Variants in IL34 observed in about 807,000 individuals in gnomAD.
IL34 encodes the protein interleukin-34.
In IL34, 17 loss-of-function variants were observed where a neutral mutation model predicts 25.3. The observed-to-expected ratio is 0.67, with a 90% CI of 0.46 to 1.01. IL34 has a LOEUF of 1.01. Ranked by LOEUF, IL34 falls within the 50% of genes least tolerant of loss-of-function variation. IL34 has a pLI of 0.00. For synonymous variants in IL34, 174 were observed against 140.9 expected (o/e 1.23, Z -1.66); for missense variants, 368 against 312.9 (o/e 1.18, Z -1.33).
At chr16:70,592,257 G>T (rs1455754674) in intron 1 of IL34, among the ~76,000 whole-genome samples, 1 of 152,136 alleles carries the variant, frequency 6.6e-6, no homozygotes, top group East Asian at 1.9e-4. Context: ...CTTGTCACAG[G>T]CAGGAAACCT....
intron 1 of IL34, among the ~76,000 whole-genome samples, chr16:70,638,999 CTTAG>C (rs1312564125): frequency 2.6e-5 from 4 of 152,210 alleles, no homozygotes; most frequent in African/African-American, 4.8e-5. Context: ...ACACCTGGCT[CTTAG>C]TTAGGAAATG....
chr16:70,622,504 T>G (rs1288218442), intron 1 of IL34, among the ~76,000 whole-genome samples: 2 of 151,902 alleles, frequency 1.3e-5, no homozygotes, highest in Admixed American at 1.3e-4. Flanking sequence ...TAGCATAGCC[T>G]GCCTTTGCTG....
At chr16:70,630,246 T>C (rs1243346544) in intron 1 of IL34, among the ~76,000 whole-genome samples, 2 of 152,176 alleles carry the variant, frequency 1.3e-5, no homozygotes, top group Admixed American at 6.5e-5. Flanking sequence ...TCTTTCTTTT[T>C]AATTTTTTTT....
intron 1 of IL34, among the ~76,000 whole-genome samples, chr16:70,635,962 C>G (rs1256646432): frequency 1.3e-5 from 2 of 151,632 alleles, no homozygotes; most frequent in East Asian, 1.9e-4. Flanking sequence ...AAAGAGGATC[C>G]TCACCTTGCC....
At chr16:70,588,608 G>C (rs1232943865) in intron 1 of IL34, among the ~76,000 whole-genome samples, 2 of 152,126 alleles carry the variant, frequency 1.3e-5, no homozygotes, top group African/African-American at 2.4e-5. Context: ...GCCCACCCAT[G>C]TTCATAGCAG....
In IL34 at chr16:70,606,053, G is replaced by A. The variant is rs115341395; in HGVS notation, c.-401+26004G>A. 9.4e-3 allele frequency among the ~76,000 whole-genome samples: 1,386 copies of A among 146,940 alleles called. 30 individuals are homozygous for A. Among genetic ancestry groups the A allele is most frequent in the African/African-American group, 0.033 (1,317 of 39,544 alleles). On this transcript the variant is annotated intron_variant, in intron 1 of 6. Coordinates refer to the IL34 transcript ENST00000429149. ...ACTATCTTGTCCTGTTTTAGAGGAA[G>A]AAATTTACATGCAATAAACTGCACA... is the stretch of plus-strand genomic sequence containing the variant.
chr16:70,652,464 G>T lies in IL34; in HGVS notation c.29-2074G>T, dbSNP rs2052104720. Among the ~76,000 whole-genome samples, 4 of 152,268 alleles carry T rather than the reference G, an allele frequency of 2.6e-5. No individual in the cohort carries two copies. The South Asian group carries it at 8.3e-4, about 32-fold the overall frequency. On this transcript the variant is annotated intron_variant, in intron 1 of 5. Transcript: ENST00000288098. ...GACAGAGCAAGACCCTATTTGAAAAGAAAAACATGAAAAAATCTCCCATAG... is the reference window on the plus strand; with the variant it reads ...GACAGAGCAAGACCCTATTTGAAAATAAAAACATGAAAAAATCTCCCATAG...
chr16:70,611,025 G>A (rs2051083235), intron 1 of IL34, among the ~76,000 whole-genome samples: 1 of 152,160 alleles, frequency 6.6e-6, no homozygotes, highest in African/African-American at 2.4e-5. Flanking sequence ...CCAGGCCGGA[G>A]CACAGTGGCC....
At chr16:70,611,842 TTAAA>T (rs547858093) in intron 1 of IL34, among the ~76,000 whole-genome samples, 93 of 151,550 alleles carry the variant, frequency 6.1e-4, no homozygotes, top group South Asian at 2.1e-3. Context: ...AGACTCTGTC[TTAAA>T]TAAATAAATA....
chr16:70,660,227 A>G lies in IL34; in HGVS notation c.*40A>G, dbSNP rs757397918. ...GACTGCGGATAGGGGCAGCCAGACC[A>G]GCTCCCACAGGAGTTCAACTGGGTC... On this transcript the variant is annotated 3_prime_UTR_variant, in exon 6 of 6. Transcript: ENST00000288098. 12 of 1,506,912 alleles carry G rather than the reference A, an allele frequency of 8.0e-6. No homozygotes were observed. In the African/African-American group the frequency reaches 1.3e-4, roughly 16 times the overall value. The allele number at this position is 1,506,912 out of a possible 1,614,324, so 93.3% of individuals were successfully genotyped here. A position where few individuals can be genotyped will look rare whatever the true frequency, so the allele number is the denominator to read the frequency against.
At chr16:70,580,951 G>A (rs943051024) in intron 1 of IL34, among the ~76,000 whole-genome samples, 9 of 149,308 alleles carry the variant, frequency 6.0e-5, no homozygotes, top group African/African-American at 2.2e-4. Flanking sequence ...TTGCTGTGTC[G>A]ACCAGGCTGG....
chr16:70,593,267 C>T (rs1331742869), intron 1 of IL34, among the ~76,000 whole-genome samples: 1 of 152,058 alleles, frequency 6.6e-6, no homozygotes, highest in East Asian at 1.9e-4. Context: ...GTGTCTTTTG[C>T]AGAGCAGAAG....
intron 1 of IL34, among the ~76,000 whole-genome samples, chr16:70,630,700 A>C (rs1184975771): frequency 6.8e-6 from 1 of 147,666 alleles, no homozygotes; most frequent in Non-Finnish European, 1.5e-5. Flanking sequence ...CAGCTTCCCA[A>C]GTAGCTGTGA....
intron 1 of IL34, among the ~76,000 whole-genome samples, chr16:70,638,426 G>T (rs540547239): frequency 6.7e-6 from 1 of 149,470 alleles, no homozygotes; most frequent in African/African-American, 2.4e-5. Context: ...ACAGAGTGAA[G>T]ATCCTATCAA....
rs68049363 is a variant in IL34, at chr16:70,628,577, C to T, written c.-400-17971C>T. ...TCTTGGCTCACTGCAATCTCCGGCTCGCGGGTTCAAGCGATTCTCCTACCT... is the reference window on the plus strand; with the variant it reads ...TCTTGGCTCACTGCAATCTCCGGCTTGCGGGTTCAAGCGATTCTCCTACCT... On this transcript the variant is annotated intron_variant, in intron 1 of 6. Coordinates refer to the IL34 transcript ENST00000429149. Among the ~76,000 whole-genome samples the T allele has an allele frequency of 4.6e-5, 7 of 151,064 alleles. No individual in the cohort carries two copies. The South Asian group carries it at 6.3e-4, about 14-fold the overall frequency.
At chr16:70,651,309 T>G (rs777541756) in intron 1 of IL34, among the ~76,000 whole-genome samples, 2 of 152,052 alleles carry the variant, frequency 1.3e-5, no homozygotes, top group African/African-American at 2.4e-5. Flanking sequence ...GATGCTAAGC[T>G]GAGGGGTTCA....
chr16:70,653,710 AT>A (rs1020273023), intron 1 of IL34, among the ~76,000 whole-genome samples: 121 of 152,232 alleles, frequency 7.9e-4, no homozygotes, highest in Middle Eastern at 3.4e-3. Context: ...ATTATATCTG[AT>A]TGTTTTAATG....
intron 1 of IL34, among the ~76,000 whole-genome samples, chr16:70,631,398 T>C (rs34881169): frequency 0.33 from 50,493 of 152,030 alleles, 8,509 homozygotes; most frequent in South Asian, 0.47. Flanking sequence ...GGTTTTCCCA[T>C]GGAGTTAGAA....
At chr16:70,636,653 G>A (rs1254553525) in intron 1 of IL34, among the ~76,000 whole-genome samples, 41 of 151,060 alleles carry the variant, frequency 2.7e-4, no homozygotes, top group Non-Finnish European at 1.5e-5. Flanking sequence ...ATGATTGAGT[G>A]TACCTGTGGT....
Sources: allele counts gnomAD v4.1 joint callset (sites outside exome capture counted in the v4.1 genomes callset), GRCh38; gene constraint gnomAD v4.1.1; transcripts MANE v1.5; gene names NCBI Gene and HGNC (gene_info 2026-07-23, HGNC 2026-07-21).